GPC5: variants seen among roughly 807,000 people sequenced by gnomAD.
GPC5 encodes glypican 5, also known as glypican-5.
Under a neutral mutation model 53.9 loss-of-function variants are expected in GPC5, and 47 were observed. The observed-to-expected ratio is 0.87, with a 90% confidence interval of 0.69 to 1.11. GPC5 has a LOEUF of 1.11. Among genes scored for constraint, GPC5 ranks in the 50% most tolerant of loss-of-function variants. The pLI, the probability that GPC5 is intolerant of heterozygous loss-of-function variation, is 0.00. For synonymous variants in GPC5, 286 were observed against 263.3 expected (o/e 1.09, Z -0.84); for missense variants, 748 against 713.1 (o/e 1.05, Z -0.56).
chr13:92,292,389 T>C (rs1211168814), intron 7 of GPC5, among the ~76,000 whole-genome samples: 2 of 152,212 alleles, frequency 1.3e-5, no homozygotes, highest in East Asian at 3.8e-4. Context: ...AGTAAGGTGG[T>C]ATTGTGTTGT....
At chr13:92,331,768 C>T (rs574093384) in intron 7 of GPC5, among the ~76,000 whole-genome samples, 37 of 151,728 alleles carry the variant, frequency 2.4e-4, no homozygotes, top group African/African-American at 8.9e-4. Flanking sequence ...TTTTTCTCAA[C>T]AAAAAAGCAG....
intron 4 of GPC5, among the ~76,000 whole-genome samples, chr13:91,749,830 CAG>C (rs2037131457): frequency 4.6e-5 from 7 of 152,146 alleles, no homozygotes; most frequent in Admixed American, 3.9e-4. Flanking sequence ...TTTTTGGAGA[CAG>C]AGTCTCGCTG....
At chr13:92,289,573 T>C (rs1420975849) in intron 7 of GPC5, among the ~76,000 whole-genome samples, 2 of 151,958 alleles carry the variant, frequency 1.3e-5, no homozygotes, top group Admixed American at 6.6e-5. Flanking sequence ...TGTTTATGAA[T>C]AATAATTCTA....
At chr13:92,407,675 G>A (rs997535442) in intron 7 of GPC5, among the ~76,000 whole-genome samples, 1 of 152,062 alleles carries the variant, frequency 6.6e-6, no homozygotes, top group Non-Finnish European at 1.5e-5. Context: ...TTGGTACATA[G>A]CATTGCTCTG....
chr13:92,704,729 C>T lies in GPC5; in HGVS notation c.1562-161553C>T, dbSNP rs901612441. Among the ~76,000 whole-genome samples the T allele has an allele frequency of 8.6e-5, 13 of 151,632 alleles. 1 individual carries two copies. Among genetic ancestry groups the T allele is most frequent in the Non-Finnish European group, 1.3e-4 (9 of 67,772 alleles). On this transcript the variant is annotated intron_variant, in intron 7 of 7. Transcript: ENST00000377067. ...TACTAAGAAGTCAATTTTGCATCAT[C>T]GGGCATATGCAGATAATAAGAGTTC...
At chr13:92,340,496 C>T (rs1215738942) in intron 7 of GPC5, 7 of 152,086 alleles carry the variant, frequency 4.6e-5, no homozygotes, top group African/African-American at 1.7e-4. Flanking sequence ...GTAGCTGGGA[C>T]AACAGGTGCT....
intron 7 of GPC5, among the ~76,000 whole-genome samples, chr13:92,746,301 C>T (rs1265268222): frequency 1.3e-5 from 2 of 152,106 alleles, no homozygotes; most frequent in African/African-American, 4.8e-5. Flanking sequence ...CAAAGCCAAC[C>T]AACTTCAAAA....
At position 92,751,302 on chromosome 13, in the gene GPC5, T is replaced by TAAAAAAAAAAAAAAAAAAAAAA. The variant is rs1566400471; in HGVS notation, c.1562-114980_1562-114979insAAAAAAAAAAAAAAAAAAAAAA. Among the ~76,000 whole-genome samples, 43 of 34,418 alleles carry TAAAAAAAAAAAAAAAAAAAAAA rather than the reference T, an allele frequency of 1.2e-3. 10 individuals carry two copies. The highest frequency in any genetic ancestry group is 3.9e-3 in the South Asian group (4 of 1,030). The allele number at this position is 34,418 out of a possible 152,430, so 22.6% of individuals were successfully genotyped here. ...AAAACCTTTGGTCATCCAGAAACAT[T>TAAAAAAAAAAAAAAAAAAAAAA]TAAAAAAAAAAAAAAAAAAAAAAAA... On this transcript the variant is annotated intron_variant, in intron 7 of 7. Transcript: ENST00000377067.
chr13:91,926,756 T>C (rs1159446356), intron 6 of GPC5, among the ~76,000 whole-genome samples: 1 of 152,158 alleles, frequency 6.6e-6, no homozygotes, highest in East Asian at 1.9e-4. Context: ...TGCAGGAAAA[T>C]AATCTCATCT....
chr13:91,956,933 C>T (rs892025631), intron 6 of GPC5, among the ~76,000 whole-genome samples: 2 of 152,050 alleles, frequency 1.3e-5, no homozygotes, highest in African/African-American at 4.8e-5. Flanking sequence ...GGAAATTCAA[C>T]ACCTCCAAAG....
chr13:92,270,121 A>G (rs546676824), intron 7 of GPC5, among the ~76,000 whole-genome samples: 1 of 152,306 alleles, frequency 6.6e-6, no homozygotes, highest in South Asian at 2.1e-4. Flanking sequence ...ATAGGAACAT[A>G]GGGATCATGA....
intron 7 of GPC5, among the ~76,000 whole-genome samples, chr13:92,194,687 A>T (rs2042245532): frequency 6.6e-6 from 1 of 152,220 alleles, no homozygotes; most frequent in South Asian, 2.1e-4. Context: ...TGCATCAGAG[A>T]GTAGACTAGG....
intron 5 of GPC5, among the ~76,000 whole-genome samples, chr13:91,878,571 C>T (rs939569748): frequency 2.0e-5 from 3 of 151,928 alleles, no homozygotes; most frequent in Admixed American, 1.3e-4. Flanking sequence ...TGTGGTTGTT[C>T]GAGGGACTTG....
rs549902984 is a variant in GPC5 at position 92,639,820 on chromosome 13, G to A, written c.1562-226462G>A. 2.6e-5 allele frequency among the ~76,000 whole-genome samples: 4 copies of A among 152,188 alleles called. No homozygotes were observed. The South Asian group carries it at 8.3e-4, about 32-fold the overall frequency. ...TTGAAAACTCTTCCCTCCCCACATCGAAGCCCAGCTGAAGGTTAGCATTTG... is the reference window on the plus strand; with the variant it reads ...TTGAAAACTCTTCCCTCCCCACATCAAAGCCCAGCTGAAGGTTAGCATTTG... On this transcript the variant is annotated intron_variant, in intron 7 of 7. Coordinates refer to ENST00000377067, the MANE Select transcript of GPC5 (RefSeq NM_004466.6).
intron 5 of GPC5, among the ~76,000 whole-genome samples, chr13:91,804,794 C>T (rs2038193852): frequency 6.6e-6 from 1 of 152,176 alleles, no homozygotes; most frequent in Non-Finnish European, 1.5e-5. Flanking sequence ...CAAGAAAGAC[C>T]TGCCCATTAC....
chr13:92,742,472 T>C (rs1889129936), intron 7 of GPC5, among the ~76,000 whole-genome samples: 1 of 151,522 alleles, frequency 6.6e-6, no homozygotes, highest in Admixed American at 6.6e-5. Flanking sequence ...TTGTAGATTC[T>C]GGATATTAGC....
chr13:92,028,883 A>C (rs2040820389), intron 6 of GPC5, among the ~76,000 whole-genome samples: 1 of 152,206 alleles, frequency 6.6e-6, no homozygotes, highest in African/African-American at 2.4e-5. Flanking sequence ...ATGGAGCCAG[A>C]ACAAAGACTA....
rs558992437 is a variant in GPC5 at position 92,616,353 on chromosome 13, T to A, written c.1562-249929T>A. ...CAATGTATAGTAATCTGAAGTGGCATCTTGAAATCAAATATGCTTATTTAA... is the reference window on the plus strand; with the variant it reads ...CAATGTATAGTAATCTGAAGTGGCAACTTGAAATCAAATATGCTTATTTAA... On this transcript the variant is annotated intron_variant, in intron 7 of 7. Transcript: ENST00000377067. 3.3e-5 allele frequency among the ~76,000 whole-genome samples: 5 copies of A among 152,268 alleles called. No individual in the cohort carries two copies. In the South Asian group the frequency reaches 8.3e-4, roughly 25 times the overall value.
intron 7 of GPC5, among the ~76,000 whole-genome samples, chr13:92,696,430 C>T (rs1009339504): frequency 2.0e-4 from 30 of 152,208 alleles, no homozygotes; most frequent in African/African-American, 7.0e-4. Flanking sequence ...TTTTGATTTG[C>T]ATTTCTCTAA....
Sources: gnomAD v4.1 joint callset for allele counts (sites outside exome capture counted in the v4.1 genomes callset) on GRCh38, gnomAD v4.1.1 for gene constraint, MANE v1.5 for transcripts, NCBI Gene and HGNC (gene_info 2026-07-23, HGNC 2026-07-21) for gene names.